Variants in SCML4 observed in about 807,000 individuals in gnomAD.
SCML4 encodes Scm polycomb group protein like 4.
A neutral mutation model predicts 41.1 loss-of-function variants in SCML4; 34 were observed. That is an observed-to-expected ratio of 0.83 (90% CI 0.63 to 1.10). The LOEUF (loss-of-function observed/expected upper bound fraction) is 1.10. Among genes scored for constraint, SCML4 ranks in the 50% least tolerant of loss-of-function variants. The probability of loss-of-function intolerance (pLI) is 0.00; values close to 1 mark genes in which losing one functional copy is unlikely to be tolerated. For missense variants in SCML4, 522 were observed against 534.1 expected (o/e 0.98, Z 0.22); for synonymous variants, 214 against 220.9 (o/e 0.97, Z 0.28).
intron 4 of SCML4, 119 bp from the exon 5 acceptor site, chr6:107,745,262 T>C: frequency 1.4e-6 from 1 of 721,618 alleles, no homozygotes. Flanking sequence ...CAGACTATAT[T>C]TGGATTTCAC....
intron 5 of SCML4, among the ~76,000 whole-genome samples, chr6:107,737,325 A>G (rs910945240): frequency 6.6e-6 from 1 of 152,166 alleles, no homozygotes; most frequent in Non-Finnish European, 1.5e-5. Context: ...CTTGCTGGCC[A>G]TGGGGAGAAA....
intron 1 of SCML4, among the ~76,000 whole-genome samples, chr6:107,802,938 T>C (rs865829426): frequency 1.3e-5 from 2 of 151,000 alleles, no homozygotes; most frequent in East Asian, 3.9e-4. Context: ...TGGAGACGGG[T>C]TTTCGCTGTG....
chr6:107,758,371 C>G (rs1779277275), intron 2 of SCML4, among the ~76,000 whole-genome samples: 1 of 152,176 alleles, frequency 6.6e-6, no homozygotes, highest in South Asian at 2.1e-4. Context: ...GGGCAAGAGT[C>G]AGAATGGTGC....
the SCML4 span, among the ~76,000 whole-genome samples, chr6:107,838,296 C>T: frequency 2.0e-5 from 3 of 152,228 alleles, no homozygotes; most frequent in African/African-American, 7.2e-5. Context: ...CTGGTCAGGG[C>T]TGTGGCTCTC....
rs75776649 is a variant in SCML4 at position 107,820,857 on chromosome 6, A to G, written c.-60+3269T>C. Among the ~76,000 whole-genome samples the G allele has an allele frequency of 4.5e-3, 693 of 152,312 alleles. 5 individuals carry two copies. Among genetic ancestry groups the G allele is most frequent in the East Asian group, 0.025 (129 of 5,188 alleles). On this transcript the variant is annotated intron_variant, in intron 1 of 7. Coordinates refer to ENST00000369020, the MANE Select transcript of SCML4 (RefSeq NM_198081.5). ...GGTGGGGAAAGGTAGAAAAGAAAAA[A>G]AAGAAGAAGAAGGAGAAAGTGACAT... is the stretch of plus-strand genomic sequence containing the variant.
intron 2 of SCML4, among the ~76,000 whole-genome samples, chr6:107,761,371 C>T (rs1216408193): frequency 6.6e-6 from 1 of 151,412 alleles, no homozygotes; most frequent in Non-Finnish European, 1.5e-5. Context: ...CCAAGAAACA[C>T]CCTAATAAGC....
intron 4 of SCML4, chr6:107,746,454 G>A: frequency 2.2e-6 from 1 of 448,914 alleles, no homozygotes; most frequent in East Asian, 3.5e-5. Flanking sequence ...GGAAGTGGGA[G>A]AAGGAGAAGA....
In SCML4 at chr6:107,749,676, T is replaced by C. The variant is rs148455559; in HGVS notation, c.286+8A>G. 468 of 1,613,730 alleles carry C rather than the reference T, an allele frequency of 2.9e-4. 1 individual carries two copies. In the African/African-American group the frequency reaches 5.1e-3, roughly 18 times the overall value. ...ATCACAGCCTTGGAGTTCATTCTGC[T>C]GACCTACCTGTGAGAGCCTGTGGGG... On this transcript the variant is annotated splice_region_variant and intron_variant, in intron 3 of 7. Transcript: ENST00000369020.
the SCML4 span, among the ~76,000 whole-genome samples, chr6:107,839,407 A>AAGAAAGAAAG: frequency 6.1e-5 from 9 of 146,368 alleles, no homozygotes; most frequent in African/African-American, 2.4e-4. Context: ...GAAAGAAAGA[A>AAGAAAGAAAG]AGAGGAAGAA....
intron 2 of SCML4, among the ~76,000 whole-genome samples, chr6:107,771,113 C>T (rs1780482976): frequency 6.6e-6 from 1 of 152,152 alleles, no homozygotes; most frequent in Admixed American, 6.5e-5. Context: ...AACCAATGAC[C>T]CCACAATAAC....
intron 5 of SCML4, among the ~76,000 whole-genome samples, chr6:107,732,816 T>C (rs1033930849): frequency 6.6e-6 from 1 of 152,194 alleles, no homozygotes; most frequent in African/African-American, 2.4e-5. Context: ...CCACAATTTT[T>C]TGGTCTTTCA....
chr6:107,763,679 G>C (rs12204940), intron 2 of SCML4, among the ~76,000 whole-genome samples: 7 of 151,998 alleles, frequency 4.6e-5, no homozygotes, highest in Non-Finnish European at 7.4e-5. Context: ...GAGCCACTGC[G>C]CCTGGCCGGG....
rs1442627367 is a variant in SCML4 at position 107,704,842 on chromosome 6, G to T, written c.*358C>A. On this transcript the variant is annotated 3_prime_UTR_variant, in exon 8 of 8. Transcript: ENST00000369020. ...CCCTGCAGAGACCGCAGGGACAAAGGTCCTTCTTTCATCCTTTGAACCCTC... is the reference window on the plus strand; with the variant it reads ...CCCTGCAGAGACCGCAGGGACAAAGTTCCTTCTTTCATCCTTTGAACCCTC... The T allele has an allele frequency of 3.1e-6, 1 of 322,282 alleles. No homozygotes were observed. Among genetic ancestry groups the T allele is most frequent in the Non-Finnish European group, 5.8e-6 (1 of 171,700 alleles). 20.0% of individuals were successfully genotyped at this position (322,282 alleles called of 1,614,324 possible).
intron 5 of SCML4, among the ~76,000 whole-genome samples, chr6:107,729,659 C>G (rs970685032): frequency 6.6e-6 from 1 of 152,180 alleles, no homozygotes; most frequent in Non-Finnish European, 1.5e-5. Flanking sequence ...TTCACTGATA[C>G]AGTATGATTG....
the SCML4 span, among the ~76,000 whole-genome samples, chr6:107,830,938 G>T: frequency 6.6e-6 from 1 of 152,094 alleles, no homozygotes; most frequent in South Asian, 2.1e-4. Context: ...AGTTAGATAG[G>T]AGAAACAAAC....
chr6:107,713,875 A>G (rs1728130), intron 6 of SCML4, among the ~76,000 whole-genome samples: 113,879 of 151,770 alleles, frequency 0.75, 42,918 homozygotes, highest in Admixed American at 0.81. Flanking sequence ...AATGTGTGAC[A>G]TGCCCAGATT....
chr6:107,835,682 T>G, the SCML4 span, among the ~76,000 whole-genome samples: 1 of 149,822 alleles, frequency 6.7e-6, no homozygotes, highest in African/African-American at 2.5e-5. Flanking sequence ...GGATGATCAC[T>G]TGAGCCAGGA....
intron 1 of SCML4, among the ~76,000 whole-genome samples, chr6:107,790,805 C>T (rs1404923501): frequency 1.3e-5 from 2 of 152,160 alleles, no homozygotes; most frequent in Non-Finnish European, 2.9e-5. Flanking sequence ...CATGGTGGCT[C>T]ATGTCTGTAA....
chr6:107,805,621 A>C (rs10735716), intron 1 of SCML4, among the ~76,000 whole-genome samples: 141,656 of 152,192 alleles, frequency 0.93, 66,648 homozygotes, highest in Non-Finnish European at 1. Flanking sequence ...CACTTGAAAA[A>C]CCCAATTACA....
Sources: allele counts gnomAD v4.1 joint callset (sites outside exome capture counted in the v4.1 genomes callset), GRCh38; gene constraint gnomAD v4.1.1; transcripts MANE v1.5; gene names NCBI Gene and HGNC (gene_info 2026-07-23, HGNC 2026-07-21).